Variants in ZNF532 observed in about 807,000 individuals in gnomAD.
ZNF532 encodes the protein zinc finger protein 532.
ZNF532 carries 22 observed loss-of-function variants against 89.3 expected under a neutral mutation model. That is an observed-to-expected ratio of 0.25 (90% CI 0.18 to 0.35). ZNF532 has a LOEUF of 0.35. ZNF532 is among the 10% of genes least tolerant of loss of function. The pLI, the probability that ZNF532 is intolerant of heterozygous loss-of-function variation, is 1.00. For synonymous variants in ZNF532, 606 were observed against 649.6 expected (o/e 0.93, Z 1.02); for missense variants, 1,132 against 1,643.4 (o/e 0.69, Z 5.38).
chr18:58,913,075 G>A (rs557918598), intron 2 of ZNF532, among the ~76,000 whole-genome samples: 10 of 152,334 alleles, frequency 6.6e-5, no homozygotes, highest in Non-Finnish European at 1.3e-4. Context: ...ATATGCAGTC[G>A]AGATTGAAGT....
chr18:58,962,239 T>C (rs1180621480), intron 7 of ZNF532, among the ~76,000 whole-genome samples: 1 of 148,330 alleles, frequency 6.7e-6, no homozygotes. Context: ...AAAAAAAAAA[T>C]GGATTCTAGG....
chr18:58,918,556 A>G lies in ZNF532; in HGVS notation c.269A>G (p.His90Arg), dbSNP rs756102784. Reference protein sequence around the residue: ...DGHNPTGNGLHNGFLTASSLD... With the variant: ...DGHNPTGNGLRNGFLTASSLD... ...CACAACCCCACTGGCAATGGCTTACATAATGGGTTTCTCACAGCATCCTCC... is the reference window on the plus strand; with the variant it reads ...CACAACCCCACTGGCAATGGCTTACGTAATGGGTTTCTCACAGCATCCTCC... Residue 90 changes from histidine (H) to arginine (R), a missense_variant, in exon 3 of 10, where the codon CAT (histidine) becomes CGT (arginine). This residue lies in a region of ZNF532 where 302 missense variants were observed against 319.8 expected (regional missense o/e 0.94). Transcript: ENST00000591808. The G allele has an allele frequency of 3.1e-6, 5 of 1,614,218 alleles. No individual in the cohort carries two copies. In the East Asian group the frequency reaches 6.7e-5, roughly 22 times the overall value.
chr18:58,979,846 C>G (rs2067525416), intron 8 of ZNF532: 1 of 152,394 alleles, frequency 6.6e-6, no homozygotes, highest in Admixed American at 6.5e-5. Context: ...GCTGCAGTCA[C>G]CACTGAAGGT....
chr18:58,878,616 C>T (rs561292867), intron 2 of ZNF532, among the ~76,000 whole-genome samples: 3 of 152,332 alleles, frequency 2.0e-5, no homozygotes, highest in East Asian at 1.9e-4. Flanking sequence ...TAAGGGCCCC[C>T]GTGGCCCAGG....
intron 2 of ZNF532, among the ~76,000 whole-genome samples, chr18:58,880,761 CACGCGCGCGCGTCT>C (rs1324844472): frequency 3.6e-4 from 29 of 81,368 alleles, no homozygotes; most frequent in African/African-American, 1.3e-3. Context: ...GGCGCGCGCG[CACGCGCGCGCGTCT>C]GTGTGTGTGT....
In ZNF532 at chr18:58,981,623, A is replaced by C. The variant is rs771453207; in HGVS notation, c.3411+6A>C. 1.2e-5 allele frequency: 20 copies of C among 1,613,938 alleles called. No individual in the cohort carries two copies. The highest frequency in any genetic ancestry group is 1.7e-5 in the Non-Finnish European group (20 of 1,179,954). ...AAATAAAAGAAGACACTAAGGTCTA[A>C]CATTGCAGATGTTTGCTTTACAGTG... On this transcript the variant is annotated splice_donor_region_variant and intron_variant, in intron 9 of 9. Coordinates refer to ENST00000591808, the MANE Select transcript of ZNF532 (RefSeq NM_001375912.1).
chr18:58,942,295 T>C (rs144321770), intron 5 of ZNF532, among the ~76,000 whole-genome samples: 15 of 140,626 alleles, frequency 1.1e-4, no homozygotes, highest in Non-Finnish European at 2.1e-4. Flanking sequence ...GTGCTGGGAT[T>C]ACAGGCGTGA....
At chr18:58,870,344 C>T (rs549211141) in intron 2 of ZNF532, among the ~76,000 whole-genome samples, 72 of 152,276 alleles carry the variant, frequency 4.7e-4, no homozygotes, top group Admixed American at 1.6e-3. Flanking sequence ...TAGGCCGCCT[C>T]ATGCCAAGCG....
At chr18:58,875,035 A>AAGT (rs2057315810) in intron 2 of ZNF532, among the ~76,000 whole-genome samples, 1 of 152,334 alleles carries the variant, frequency 6.6e-6, no homozygotes, top group African/African-American at 2.4e-5. Flanking sequence ...AATAAGCTGT[A>AAGT]AGTATAAGAT....
At chr18:58,912,921 C>G (rs907427464) in intron 2 of ZNF532, among the ~76,000 whole-genome samples, 1 of 151,936 alleles carries the variant, frequency 6.6e-6, no homozygotes, top group Non-Finnish European at 1.5e-5. Context: ...CGCGGCTGAT[C>G]AAATTTTTTA....
chr18:58,961,817 T>G (rs1033992338), intron 7 of ZNF532, among the ~76,000 whole-genome samples: 1 of 152,158 alleles, frequency 6.6e-6, no homozygotes, highest in Non-Finnish European at 1.5e-5. Context: ...AGGACCAGCA[T>G]GTGATAATTC....
At chr18:58,908,174 A>T (rs149204158) in intron 2 of ZNF532, among the ~76,000 whole-genome samples, 2 of 152,296 alleles carry the variant, frequency 1.3e-5, no homozygotes, top group Non-Finnish European at 2.9e-5. Context: ...GTATGCTGTT[A>T]TCCTCATTTT....
At chr18:58,888,340 A>G (rs1275050334) in intron 2 of ZNF532, among the ~76,000 whole-genome samples, 1 of 152,128 alleles carries the variant, frequency 6.6e-6, no homozygotes, top group Non-Finnish European at 1.5e-5. Flanking sequence ...CTAATTTTAT[A>G]AATATAAAAT....
chr18:58,935,655 T>A (rs1028472420), intron 4 of ZNF532, among the ~76,000 whole-genome samples: 6 of 151,124 alleles, frequency 4.0e-5, no homozygotes, highest in African/African-American at 7.3e-5. Context: ...TGATTATATA[T>A]ATGAACTTTT....
chr18:58,904,072 T>G (rs527266939), intron 2 of ZNF532, among the ~76,000 whole-genome samples: 34 of 152,320 alleles, frequency 2.2e-4, no homozygotes, highest in African/African-American at 7.9e-4. Flanking sequence ...TAAATGCAGC[T>G]GGCCATGGTG....
intron 7 of ZNF532, among the ~76,000 whole-genome samples, chr18:58,970,184 A>T (rs1402017723): frequency 6.6e-6 from 1 of 152,170 alleles, no homozygotes; most frequent in Non-Finnish European, 1.5e-5. Context: ...GTGCCCAACC[A>T]TATTTGTCCT....
chr18:58,939,758 A>C, intron 5 of ZNF532, 137 bp downstream of exon 5: 10 of 733,118 alleles, frequency 1.4e-5, no homozygotes, highest in Non-Finnish European at 2.2e-5. Context: ...TGCTTTATGA[A>C]ATACAGCTCA....
At chr18:58,893,713 C>G (rs971316671) in intron 2 of ZNF532, among the ~76,000 whole-genome samples, 1 of 151,704 alleles carries the variant, frequency 6.6e-6, no homozygotes, top group Non-Finnish European at 1.5e-5. Context: ...AATTTTGGAC[C>G]CACATGCTTA....
chr18:58,962,109 C>A (rs930034417), intron 7 of ZNF532, among the ~76,000 whole-genome samples: 2 of 152,110 alleles, frequency 1.3e-5, no homozygotes, highest in African/African-American at 4.8e-5. Context: ...ATCTGTAGTC[C>A]CAGCTACTCA....
Sources: allele counts gnomAD v4.1 joint callset (sites outside exome capture counted in the v4.1 genomes callset), GRCh38; gene constraint gnomAD v4.1.1; regional missense constraint gnomAD v4.1.1; transcripts MANE v1.5; gene names NCBI Gene and HGNC (gene_info 2026-07-23, HGNC 2026-07-21).